The following TRPM4 variants were observed in gnomAD, a reference collection of about 807,000 sequenced individuals.
The protein encoded by TRPM4 is calcium-activated non-selective cation channel 1.
A neutral mutation model predicts 135.6 loss-of-function variants in TRPM4; 124 were observed. The ratio of observed to expected loss-of-function variants is 0.91; its 90% CI spans 0.79 to 1.06. The LOEUF (loss-of-function observed/expected upper bound fraction) is 1.06. Ranked by LOEUF, TRPM4 falls within the 50% of genes least tolerant of loss-of-function variation. The pLI is 0.00. For missense variants in TRPM4, 1,658 were observed against 1,671.4 expected (o/e 0.99, Z 0.14); for synonymous variants, 745 against 705.6 (o/e 1.06, Z -0.88).
chr19:49,209,582 T>C (rs1274668741), intron 20 of TRPM4, among the ~76,000 whole-genome samples: 1 of 152,094 alleles, frequency 6.6e-6, no homozygotes, highest in Admixed American at 6.6e-5. Flanking sequence ...TTTATTTCGG[T>C]AAGGTCAGTA....
intron 9 of TRPM4, among the ~76,000 whole-genome samples, chr19:49,174,142 A>AG (rs1967580251): frequency 7.0e-6 from 1 of 143,778 alleles, no homozygotes; most frequent in Non-Finnish European, 1.5e-5. Flanking sequence ...TTCAAGGAAA[A>AG]GTTGTGTGTG....
rs547908894 is a variant in TRPM4 at position 49,175,653 on chromosome 19, T to C, written c.1150+3545T>C. On this transcript the variant is annotated intron_variant, in intron 9 of 24. Coordinates refer to ENST00000252826, the MANE Select transcript of TRPM4 (RefSeq NM_017636.4). The stretch of plus-strand genomic sequence containing the variant: ...AATTATTTTTCTTATTTTAATTATT[T>C]CTTTCTTTTTCTTTTTTTTTTTTTT... 1.5e-3 allele frequency among the ~76,000 whole-genome samples: 226 copies of C among 148,796 alleles called. 3 individuals are homozygous for C. Among genetic ancestry groups the C allele is most frequent in the African/African-American group, 5.3e-3 (215 of 40,784 alleles).
intron 3 of TRPM4, 22 bp downstream of exon 3, chr19:49,166,237 G>T: frequency 1.3e-6 from 2 of 1,576,232 alleles, no homozygotes; most frequent in Non-Finnish European, 1.7e-6. Context: ...CTCTGTGGGC[G>T]GGGCCCGGGC....
At chr19:49,197,036 C>T (rs1968682955) in intron 17 of TRPM4, among the ~76,000 whole-genome samples, 162 bp downstream of exon 17, 1 of 152,180 alleles carries the variant, frequency 6.6e-6, no homozygotes, top group South Asian at 2.1e-4. Flanking sequence ...TGACGATTGC[C>T]CCAGGGTAAT....
Position 49,168,371 on chromosome 19 carries a change from G to A in TRPM4, c.560G>A (p.Gly187Asp). 1.2e-6 allele frequency: 2 copies of A among 1,614,122 alleles called. No individual in the cohort carries two copies. The highest frequency in any genetic ancestry group is 1.7e-6 in the Non-Finnish European group (2 of 1,180,032). ...GGGGGCACCAAGGTGGTGGCCATGGGTGTGGCCCCCTGGGGTGTGGTCCGG... is the reference window on the plus strand; with the variant it reads ...GGGGGCACCAAGGTGGTGGCCATGGATGTGGCCCCCTGGGGTGTGGTCCGG... ...STGGTKVVAM[G>D]VAPWGVVRNR... Residue 187 changes from glycine (G) to aspartate (D), a missense_variant, in exon 5 of 25, where the codon GGT becomes GAT. Gly to Asp is a moderately conservative substitution (Grantham distance 94). Around this residue, in one of 3 missense-constraint regions of TRPM4, gnomAD observed 1,412 missense variants for 1,408.7 expected, o/e 1.00. Transcript: ENST00000252826.
chr19:49,172,991 T>A (rs1477847236), intron 9 of TRPM4, among the ~76,000 whole-genome samples: 3 of 148,920 alleles, frequency 2.0e-5, no homozygotes, highest in African/African-American at 7.6e-5. Flanking sequence ...TTCTCACCTG[T>A]CCATCCACAC....
chr19:49,157,826 C>G lies in TRPM4; in HGVS notation c.-41C>G. 1.3e-6 allele frequency: 2 copies of G among 1,533,560 alleles called. No homozygotes were observed. Among genetic ancestry groups the G allele is most frequent in the Non-Finnish European group, 1.7e-6 (2 of 1,145,694 alleles). 95.0% of individuals were successfully genotyped at this position (1,533,560 alleles called of 1,614,324 possible). ...GAAGCAGAGCCGGCGGAGGGAGCGC[C>G]GGGGCCCTGGGCTGCAGGAGGTTGC... On this transcript the variant is annotated 5_prime_UTR_variant, in exon 1 of 25. Transcript: ENST00000252826.
rs137875232 is a variant in TRPM4 at position 49,191,787 on chromosome 19, C to T, written c.2210+1014C>T. Among the ~76,000 whole-genome samples the T allele has an allele frequency of 6.1e-3, 931 of 152,256 alleles. 11 individuals are homozygous for T. The highest frequency in any genetic ancestry group is 0.022 in the African/African-American group (895 of 41,548). The stretch of plus-strand genomic sequence containing the variant: ...TACTGGGATTACAGGCATGAGCCAC[C>T]ATGCCTGGCCCAGGGATTACATTTC... On this transcript the variant is annotated intron_variant, in intron 16 of 24. Transcript: ENST00000252826.
chr19:49,184,647 T>G (rs995992270), intron 12 of TRPM4, among the ~76,000 whole-genome samples: 4 of 151,392 alleles, frequency 2.6e-5, no homozygotes, highest in African/African-American at 7.3e-5. Flanking sequence ...GCCCAGCTAA[T>G]TTTTTTGTAT....
At chr19:49,180,040 C>A (rs1385107275) in intron 9 of TRPM4, among the ~76,000 whole-genome samples, 1 of 152,178 alleles carries the variant, frequency 6.6e-6, no homozygotes, top group African/African-American at 2.4e-5. Context: ...GGACTGGAAC[C>A]CACGTCTGCC....
intron 9 of TRPM4, among the ~76,000 whole-genome samples, chr19:49,178,267 G>A (rs1027072933): frequency 2.8e-4 from 42 of 152,168 alleles, no homozygotes; most frequent in Non-Finnish European, 4.4e-4. Flanking sequence ...CAAAGCTGAA[G>A]TGAGCTGTGA....
At position 49,171,884 on chromosome 19, in the gene TRPM4, G is replaced by T. The variant is rs1310807223; in HGVS notation, c.1050+115G>T. 7.2e-7 allele frequency: 1 copy of T among 1,393,630 alleles called. No homozygotes were observed. Among genetic ancestry groups the T allele is most frequent in the African/African-American group, 1.4e-5 (1 of 70,148 alleles). 86.3% of individuals were successfully genotyped at this position (1,393,630 alleles called of 1,614,324 possible). A position where few individuals can be genotyped will look rare whatever the true frequency, so the allele number is the denominator to read the frequency against. ...CCTGGACTTCCAGGTTCCGGGAGAA[G>T]AGGGTGCTGGGCATATAGACTATTA... On this transcript the variant is annotated intron_variant, in intron 8 of 24. Transcript: ENST00000252826. The surrounding 1 kb of genome is among the most constrained non-coding windows in gnomAD (Gnocchi z 4.7).
intron 12 of TRPM4, among the ~76,000 whole-genome samples, chr19:49,185,599 C>T (rs62127952): frequency 0.13 from 20,150 of 151,890 alleles, 1,784 homozygotes; most frequent in Non-Finnish European, 0.19. Flanking sequence ...CTTTGCATGC[C>T]TCATAATTTT....
Position 49,166,225 on chromosome 19 carries a change from G to T in TRPM4, c.267+10G>T, listed in dbSNP as rs761623192. On this transcript the variant is annotated intron_variant, in intron 3 of 24. Transcript: ENST00000252826. ...CCGCAAGCACAGCAATGTGAGGCGG[G>T]CCTCTGTGGGCGGGGCCCGGGCACC... 2 of 1,590,048 alleles carry T rather than the reference G, an allele frequency of 1.3e-6. No individual in the cohort carries two copies. The highest frequency in any genetic ancestry group is 1.7e-6 in the Non-Finnish European group (2 of 1,169,492).
chr19:49,202,174 C>G (rs773975187), intron 20 of TRPM4, 33 bp downstream of exon 20: 3 of 1,611,304 alleles, frequency 1.9e-6, no homozygotes, highest in Admixed American at 1.7e-5. Flanking sequence ...TCTGACCCCA[C>G]CCAGCATGAC....
In TRPM4 at chr19:49,196,497, G is replaced by C. The variant is rs752448175; in HGVS notation, c.2268G>C (p.Pro756=). The change falls in exon 17 of 25, where the codon CCG becomes CCC. Residue 756 remains proline (P), a synonymous_variant. Coordinates refer to ENST00000252826, the MANE Select transcript of TRPM4 (RefSeq NM_017636.4). ...PLGVPRQSGR[P]GCCGGRCGGR... Reference sequence around the variant, plus strand: ...GGGTCCCGCGCCAGTCGGGCCGTCCGGGTTGCTGCGGGGGCCGCTGCGGGG... The same window carrying C: ...GGGTCCCGCGCCAGTCGGGCCGTCCCGGTTGCTGCGGGGGCCGCTGCGGGG... 2 of 1,555,420 alleles carry C rather than the reference G, an allele frequency of 1.3e-6. No homozygotes were observed. The highest frequency in any genetic ancestry group is 1.7e-6 in the Non-Finnish European group (2 of 1,154,208).
chr19:49,188,214 G>C (rs764931448), intron 12 of TRPM4, among the ~76,000 whole-genome samples: 5 of 152,176 alleles, frequency 3.3e-5, no homozygotes, highest in Non-Finnish European at 5.9e-5. Context: ...AGGAATGAGC[G>C]AGGACAGCTT....
At chr19:49,190,858 C>T in intron 16 of TRPM4, 85 bp downstream of exon 16, 2 of 1,203,662 alleles carry the variant, frequency 1.7e-6, no homozygotes, top group African/African-American at 1.5e-5. Context: ...TGTTAGTCCC[C>T]TCTTGAGTTG....
chr19:49,165,694 TCGTG>T (rs1038738776), intron 2 of TRPM4, among the ~76,000 whole-genome samples: 2 of 152,146 alleles, frequency 1.3e-5, no homozygotes, highest in Admixed American at 1.3e-4. Flanking sequence ...ATGTTCTTTC[TCGTG>T]TTGAACGTCA....
Sources: gnomAD v4.1 joint callset for allele counts (sites outside exome capture counted in the v4.1 genomes callset) on GRCh38, gnomAD v4.1.1 for gene constraint, gnomAD v4.1.1 regional missense constraint, Gnocchi (gnomAD v3.1) non-coding constraint, MANE v1.5 for transcripts, NCBI Gene and HGNC (gene_info 2026-07-23, HGNC 2026-07-21) for gene names.